Variants in C5 observed in about 807,000 individuals in gnomAD.
C5 encodes C3 and PZP-like alpha-2-macroglobulin domain-containing protein 4.
In C5, 140 loss-of-function variants were observed where a neutral mutation model predicts 218.8. The observed-to-expected ratio is 0.64, with a 90% CI of 0.56 to 0.74. The LOEUF (loss-of-function observed/expected upper bound fraction) is 0.74, where lower values mean the gene tolerates loss of function less well. Among genes scored for constraint, C5 ranks in the 30% least tolerant of loss-of-function variants. The pLI, the probability that C5 is intolerant of heterozygous loss-of-function variation, is 0.00. For synonymous variants in C5, 614 were observed against 682.3 expected (o/e 0.90, Z 1.56); for missense variants, 1,700 against 1,969.6 (o/e 0.86, Z 2.59).
At chr9:120,983,640 G>A (rs1202440318) in intron 25 of C5, among the ~76,000 whole-genome samples, 1 of 152,000 alleles carries the variant, frequency 6.6e-6, no homozygotes, top group African/African-American at 2.4e-5. Context: ...GTGAGACATT[G>A]TCTCTACAAA....
chr9:121,065,567 T>A, the C5 span, among the ~76,000 whole-genome samples: 4 of 152,204 alleles, frequency 2.6e-5, no homozygotes, highest in Admixed American at 6.5e-5. Context: ...CACAGCTCAC[T>A]GCAGCCTCGA....
chr9:121,002,314 G>GTATA (rs1260903533), intron 20 of C5, among the ~76,000 whole-genome samples: 70 of 62,460 alleles, frequency 1.1e-3, no homozygotes, highest in Middle Eastern at 9.1e-3. Context: ...ATATATGTGT[G>GTATA]TGTATATATA....
At chr9:120,954,866 T>C (rs1283128730) in intron 39 of C5, among the ~76,000 whole-genome samples, 1 of 152,226 alleles carries the variant, frequency 6.6e-6, no homozygotes, top group Non-Finnish European at 1.5e-5. Flanking sequence ...ATGGTGTAGA[T>C]TCCTATTACG....
At chr9:121,051,653 A>G (rs1413788118), upstream of C5, among the ~76,000 whole-genome samples, 1 of 152,192 alleles carries the variant, frequency 6.6e-6, no homozygotes, top group Non-Finnish European at 1.5e-5. Context: ...TAAATAATAA[A>G]CCAAAAATAT....
rs1254161956 is a variant in C5 at position 121,020,199 on chromosome 9, A to G, written c.1303-20T>C. The G allele has an allele frequency of 5.2e-6, 8 of 1,538,106 alleles. No homozygotes were observed. The South Asian group carries it at 8.9e-5, about 17-fold the overall frequency. ...TTTGACCTGAAAAGAGAAATTTCAA[A>G]AAGACATGTATACTGTGATGTAATG... is the stretch of plus-strand genomic sequence containing the variant. On this transcript the variant is annotated intron_variant, in intron 11 of 40. Coordinates refer to ENST00000223642, the MANE Select transcript of C5 (RefSeq NM_001735.3).
At chr9:120,956,293 C>G (rs12378815) in intron 39 of C5, among the ~76,000 whole-genome samples, 8,244 of 143,804 alleles carry the variant, frequency 0.057, 654 homozygotes, top group African/African-American at 0.18. Context: ...AACGTCATTT[C>G]AAAAAAAAAA....
chr9:121,013,887 T>G lies in C5; in HGVS notation c.2243A>C (p.Gln748Pro), dbSNP rs1465654627. The stretch of plus-strand genomic sequence containing the variant: ...GTCATACTTACGTAGCCTTCCCAAT[T>G]GCATGTCTTTATGAGAGATATTAGC... ...LRANISHKDM[Q>P]LGRLHMKTLL... is the part of the protein sequence containing the mutation. The change falls in exon 17 of 41, where the codon CAA becomes CCA. Residue 748 changes from glutamine to proline, a missense_variant. Physicochemically the swap from Gln to Pro is moderately conservative, Grantham distance 76 (BLOSUM62 -1). Transcript: ENST00000223642. 1 of 1,614,030 alleles carries G rather than the reference T, an allele frequency of 6.2e-7. No homozygotes were observed. Among genetic ancestry groups the G allele is most frequent in the Non-Finnish European group, 8.5e-7 (1 of 1,179,956 alleles).
At chr9:121,017,570 G>C (rs182177399) in intron 13 of C5, 59 bp from the exon 14 acceptor site, 5 of 1,605,094 alleles carry the variant, frequency 3.1e-6, no homozygotes, top group South Asian at 2.2e-5. Context: ...AGACTTTTCA[G>C]AAGCAGCTAA....
In C5 at chr9:120,989,733, T is replaced by A. The variant is rs1360450036; in HGVS notation, c.2989A>T (p.Ile997Phe). The A allele has an allele frequency of 1.2e-6, 2 of 1,614,178 alleles. No individual in the cohort carries two copies. The highest frequency in any genetic ancestry group is 1.7e-6 in the Non-Finnish European group (2 of 1,180,022). The change falls in exon 24 of 41, where the codon ATC becomes TTC. Residue 997 changes from isoleucine (I) to phenylalanine (F), a missense_variant. Transcript: ENST00000223642. ...TTGGGGAGGTGGGTTAGGATATTGA[T>A]GCCTTCCTGACTTAGAACTGCAGAC... ...ILSAVLSQEG[I>F]NILTHLPKGS...
At chr9:121,018,646 G>GGAAAGAAAGAAAGAAAGAAAA (rs58742970) in intron 12 of C5, among the ~76,000 whole-genome samples, 2 of 73,490 alleles carry the variant, frequency 2.7e-5, no homozygotes, top group Non-Finnish European at 5.1e-5. Context: ...AGGGAGGGAG[G>GGAAAGAAAGAAAGAAAGAAAA]GAAAGAAAGA....
At chr9:120,983,474 A>C (rs2047010469) in intron 25 of C5, among the ~76,000 whole-genome samples, 1 of 152,196 alleles carries the variant, frequency 6.6e-6, no homozygotes, top group South Asian at 2.1e-4. Flanking sequence ...CAAATGTCTG[A>C]GACTCAGACC....
intron 22 of C5, among the ~76,000 whole-genome samples, chr9:120,993,658 G>A (rs1201589862): frequency 7.2e-5 from 11 of 152,110 alleles, no homozygotes; most frequent in African/African-American, 9.7e-5. Flanking sequence ...TCCTGACCTC[G>A]TGATCCGCCC....
intron 30 of C5, among the ~76,000 whole-genome samples, chr9:120,972,538 C>T (rs892798466): frequency 2.2e-4 from 34 of 152,118 alleles, no homozygotes; most frequent in African/African-American, 7.2e-4. Context: ...CCCTGGTACC[C>T]CACCCCAAAC....
intron 37 of C5, 147 bp from the exon 38 acceptor site, chr9:120,960,484 T>C (rs2046819000): frequency 1.5e-6 from 1 of 648,090 alleles, no homozygotes; most frequent in African/African-American, 1.8e-5. Flanking sequence ...CATTTTCTTT[T>C]CTTTCATAAA....
intron 9 of C5, 136 bp from the exon 10 acceptor site, chr9:121,023,655 A>G: frequency 1.4e-6 from 1 of 690,464 alleles, no homozygotes; most frequent in Non-Finnish European, 2.7e-6. Context: ...ATTTACCAGT[A>G]GTAAGTAGGA....
chr9:121,025,575 T>TTTATAAAC lies in C5; in HGVS notation c.878_879insGTTTATAA (p.Ile293MetfsTer26). ...CAAATGTGACTTGAGCAATTCCATT[T>TTTATAAAC]ATCAACTTTTTAAAAGGAGAAAAAG... On this transcript the variant is annotated frameshift_variant, in exon 9 of 41. Transcript: ENST00000223642. LOFTEE classifies it high-confidence loss of function. The TTTATAAAC allele has an allele frequency of 6.2e-7, 1 of 1,612,286 alleles. No homozygotes were observed. Among genetic ancestry groups the TTTATAAAC allele is most frequent in the Non-Finnish European group, 8.5e-7 (1 of 1,179,538 alleles).
intron 1 of C5, among the ~76,000 whole-genome samples, chr9:121,048,403 A>G (rs923757292): frequency 6.6e-6 from 1 of 152,234 alleles, no homozygotes; most frequent in Admixed American, 6.5e-5. Flanking sequence ...TCCTAGGAGC[A>G]TGAACTCTAT....
intron 9 of C5, among the ~76,000 whole-genome samples, chr9:121,025,031 C>A (rs1564157171): frequency 6.6e-6 from 1 of 152,144 alleles, no homozygotes; most frequent in Non-Finnish European, 1.5e-5. Context: ...ATTATGTAGA[C>A]TATAATAATG....
chr9:121,005,356 G>C (rs1281474024), intron 20 of C5, among the ~76,000 whole-genome samples: 1 of 152,184 alleles, frequency 6.6e-6, no homozygotes, highest in East Asian at 1.9e-4. Context: ...AAAGTAAAAA[G>C]AGCAGGGAAG....
Sources: gnomAD v4.1 joint callset for allele counts (sites outside exome capture counted in the v4.1 genomes callset) on GRCh38, gnomAD v4.1.1 for gene constraint, MANE v1.5 for transcripts, NCBI Gene and HGNC (gene_info 2026-07-23, HGNC 2026-07-21) for gene names.